Variants in TGM7 observed in about 807,000 individuals in gnomAD.
The protein encoded by TGM7 is transglutaminase 7, also known as protein-glutamine gamma-glutamyltransferase Z.
A neutral mutation model predicts 79.5 loss-of-function variants in TGM7; 74 were observed. That is an observed-to-expected ratio of 0.93 (90% CI 0.77 to 1.13). TGM7 has a LOEUF of 1.13. TGM7 is among the 50% of genes most tolerant of loss of function. The pLI, the probability that TGM7 is intolerant of heterozygous loss-of-function variation, is 0.00. For synonymous variants in TGM7, 354 were observed against 362.5 expected (o/e 0.98, Z 0.27); for missense variants, 912 against 905.9 (o/e 1.01, Z -0.09).
In TGM7 at chr15:43,278,267, G is replaced by A. The variant is rs535282345; in HGVS notation, c.1839+850C>T. Among the ~76,000 whole-genome samples, 73 of 152,322 alleles carry A rather than the reference G, an allele frequency of 4.8e-4. 1 individual carries two copies. Among genetic ancestry groups the A allele is most frequent in the African/African-American group, 1.6e-3 (65 of 41,568 alleles). ...GAGTGGGAGGGGCAGGTGAGAAAAC[G>A]AGGCTTTCGGGAAGGAAAACCCTGG... On this transcript the variant is annotated intron_variant, in intron 11 of 12. Coordinates refer to ENST00000452443, the MANE Select transcript of TGM7 (RefSeq NM_052955.3).
intron 11 of TGM7, among the ~76,000 whole-genome samples, chr15:43,278,256 G>A (rs987878041): frequency 7.2e-5 from 11 of 152,234 alleles, no homozygotes; most frequent in African/African-American, 2.4e-4. Context: ...GGGAGGGGCA[G>A]GTGAGAAAAC....
Position 43,282,608 on chromosome 15 carries a change from G to C in TGM7, c.1017C>G (p.Val339=), listed in dbSNP as rs1369531228. ...QKRDKIWNFH[V]WNECWMIRKD... ...TCCGGATCATCCAGCACTCATTCCA[G>C]ACGTGGAAGTTCCTGCAGGAGGGAG... Residue 339 remains valine (V), a synonymous_variant, in exon 8 of 13, where the codon GTC becomes GTG. Coordinates refer to ENST00000452443, the MANE Select transcript of TGM7 (RefSeq NM_052955.3). 1 of 1,596,180 alleles carries C rather than the reference G, an allele frequency of 6.3e-7. No homozygotes were observed. The highest frequency in any genetic ancestry group is 8.5e-7 in the Non-Finnish European group (1 of 1,170,532).
chr15:43,276,787 G>A, intron 12 of TGM7, 75 bp downstream of exon 12: 1 of 1,575,182 alleles, frequency 6.3e-7, no homozygotes, highest in Non-Finnish European at 8.6e-7. Flanking sequence ...AGGAGACTGA[G>A]GAGGGTCCTG....
intron 8 of TGM7, 56 bp from the exon 9 acceptor site, chr15:43,282,142 G>T: frequency 6.3e-7 from 1 of 1,598,260 alleles, no homozygotes; most frequent in South Asian, 1.1e-5. Flanking sequence ...TTGTGGCTGT[G>T]GGAGGTGGAG....
At chr15:43,291,857 C>G (rs1596463785) in intron 4 of TGM7, 122 bp downstream of exon 4, 2 of 678,196 alleles carry the variant, frequency 2.9e-6, no homozygotes, top group East Asian at 5.3e-5. Context: ...GCCCCTCACA[C>G]CCTCGCCTGT....
chr15:43,285,424 T>C (rs1237164763), intron 6 of TGM7, among the ~76,000 whole-genome samples: 2 of 152,204 alleles, frequency 1.3e-5, no homozygotes, highest in African/African-American at 4.8e-5. Context: ...CAGTTCCAGC[T>C]ACTAGGGAGG....
intron 4 of TGM7, among the ~76,000 whole-genome samples, chr15:43,288,464 C>T (rs138816031): frequency 6.6e-6 from 1 of 151,928 alleles, no homozygotes; most frequent in Non-Finnish European, 1.5e-5. Flanking sequence ...TCTACGTTGA[C>T]TGGATATTGG....
chr15:43,285,002 T>C (rs187514164), intron 6 of TGM7, 50 bp from the exon 7 acceptor site: 265 of 1,606,588 alleles, frequency 1.6e-4, no homozygotes, highest in Non-Finnish European at 2.1e-4. Context: ...GGCAGAATTA[T>C]TGGTTTTCCA....
intron 7 of TGM7, among the ~76,000 whole-genome samples, chr15:43,283,348 G>A (rs956292797): frequency 1.3e-5 from 2 of 152,196 alleles, no homozygotes; most frequent in Non-Finnish European, 2.9e-5. Flanking sequence ...TGTGGTACGC[G>A]ATGCCGTCTG....
chr15:43,300,305 C>G (rs1356466170), intron 1 of TGM7, among the ~76,000 whole-genome samples: 1 of 152,216 alleles, frequency 6.6e-6, no homozygotes. Context: ...TATCAGCCCC[C>G]TGTTACAGAT....
At position 43,282,106 on chromosome 15, in the gene TGM7, C is replaced by T; in HGVS notation, c.1109-20G>A. The T allele has an allele frequency of 1.2e-6, 2 of 1,612,002 alleles. No individual in the cohort carries two copies. The highest frequency in any genetic ancestry group is 1.7e-6 in the Non-Finnish European group (2 of 1,178,492). ...ACAGCCCTGTGGAGGCAACAGGCTACTGATATGGGGGCCAGGGGCAGCTGG... is the reference window on the plus strand; with the variant it reads ...ACAGCCCTGTGGAGGCAACAGGCTATTGATATGGGGGCCAGGGGCAGCTGG... On this transcript the variant is annotated intron_variant, in intron 8 of 12. Transcript: ENST00000452443.
intron 1 of TGM7, among the ~76,000 whole-genome samples, chr15:43,300,545 T>G (rs2043020542): frequency 6.6e-6 from 1 of 152,204 alleles, no homozygotes; most frequent in Non-Finnish European, 1.5e-5. Context: ...CTCACGCCTG[T>G]AATCCCAGCA....
chr15:43,293,304 G>T lies in TGM7; in HGVS notation c.193+145C>A, dbSNP rs528365005. Reference sequence around the variant, plus strand: ...AATCTCTCCTTAACAGCACTAACAGGGTCCTGAGCATGAGGGGTCTGGGGC... The same window carrying T: ...AATCTCTCCTTAACAGCACTAACAGTGTCCTGAGCATGAGGGGTCTGGGGC... On this transcript the variant is annotated intron_variant, in intron 2 of 12. Transcript: ENST00000452443. 2.4e-5 allele frequency: 26 copies of T among 1,091,498 alleles called. 1 individual carries two copies. The South Asian group carries it at 3.8e-4, about 16-fold the overall frequency. 67.6% of individuals were successfully genotyped at this position (1,091,498 alleles called of 1,614,324 possible).
intron 4 of TGM7, among the ~76,000 whole-genome samples, chr15:43,290,673 A>G (rs913263028): frequency 8.5e-5 from 13 of 152,106 alleles, no homozygotes; most frequent in Non-Finnish European, 1.3e-4. Context: ...CCATTTTCAC[A>G]GTACTGATTC....
At chr15:43,287,167 C>G in intron 6 of TGM7, 113 bp downstream of exon 6, 1 of 1,316,898 alleles carries the variant, frequency 7.6e-7, no homozygotes, top group African/African-American at 1.5e-5. Flanking sequence ...GCCTGGGTGC[C>G]CACCACCCCC....
chr15:43,282,287 A>C (rs948562755), intron 8 of TGM7, among the ~76,000 whole-genome samples: 25 of 152,062 alleles, frequency 1.6e-4, no homozygotes, highest in African/African-American at 6.0e-4. Flanking sequence ...CAGCTTTTCC[A>C]CTTTACAGGT....
intron 4 of TGM7, among the ~76,000 whole-genome samples, chr15:43,290,287 A>G (rs1035841241): frequency 7.2e-5 from 11 of 152,320 alleles, no homozygotes; most frequent in South Asian, 2.1e-4. Flanking sequence ...ACATATGGCT[A>G]GCCAGTTTTC....
At chr15:43,289,017 C>A (rs1200916813) in intron 4 of TGM7, among the ~76,000 whole-genome samples, 1 of 151,274 alleles carries the variant, frequency 6.6e-6, no homozygotes, top group African/African-American at 2.4e-5. Flanking sequence ...CTGTAAAAAA[C>A]CAAATAGTAA....
At position 43,292,104 on chromosome 15, in the gene TGM7, A is replaced by G. The variant is rs768835531; in HGVS notation, c.440-7T>C. On this transcript the variant is annotated splice_polypyrimidine_tract_variant and splice_region_variant and intron_variant, in intron 3 of 12. Transcript: ENST00000452443. ...GGCAGGTAGACGTCGTCCTCTGAGC[A>G]GTTAAGAGTAGTGGAGGGGGCAAAA... is the stretch of plus-strand genomic sequence containing the variant. The G allele has an allele frequency of 6.2e-7, 1 of 1,604,280 alleles. No individual in the cohort carries two copies. Among genetic ancestry groups the G allele is most frequent in the African/African-American group, 1.3e-5 (1 of 74,712 alleles).
Sources: gnomAD v4.1 joint callset for allele counts (sites outside exome capture counted in the v4.1 genomes callset) on GRCh38, gnomAD v4.1.1 for gene constraint, MANE v1.5 for transcripts, NCBI Gene and HGNC (gene_info 2026-07-23, HGNC 2026-07-21) for gene names.